Variants in ATAD2B observed in about 807,000 individuals in gnomAD.
The protein encoded by ATAD2B is ATPase family AAA domain containing 2B, also known as ATPase family AAA domain-containing protein 2B.
A neutral mutation model predicts 167.6 loss-of-function variants in ATAD2B; 40 were observed. The observed-to-expected ratio is 0.24, with a 90% CI of 0.19 to 0.31. The LOEUF is 0.31. Ranked by LOEUF, ATAD2B falls within the 10% of genes least tolerant of loss-of-function variation. ATAD2B has a pLI of 1.00. For missense variants in ATAD2B, 1,242 were observed against 1,757.2 expected (o/e 0.71, Z 5.24); for synonymous variants, 579 against 596.5 (o/e 0.97, Z 0.43).
chr2:23,699,944 C>CAGAG, the ATAD2B span, among the ~76,000 whole-genome samples: 1 of 152,248 alleles, frequency 6.6e-6, no homozygotes, highest in East Asian at 1.9e-4. Context: ...TCCTGCTTCA[C>CAGAG]AGAGAAAATG....
At chr2:23,832,397 G>A in intron 14 of ATAD2B, 1 of 300,302 alleles carries the variant, frequency 3.3e-6, no homozygotes, top group African/African-American at 2.2e-5. Flanking sequence ...AAGTTAATGT[G>A]GAAAACGATG....
At chr2:23,709,925 G>T in the ATAD2B span, among the ~76,000 whole-genome samples, 15 of 152,288 alleles carry the variant, frequency 9.8e-5, no homozygotes, top group South Asian at 1.2e-3. Context: ...CGAAGAGTCT[G>T]TGTATTTCAG....
At chr2:23,913,151 T>C (rs1207130400) in intron 1 of ATAD2B, among the ~76,000 whole-genome samples, 5 of 152,294 alleles carry the variant, frequency 3.3e-5, no homozygotes, top group East Asian at 1.9e-4. Flanking sequence ...TATACATTTT[T>C]CCCCAGCACA....
At chr2:23,787,081 C>G (rs1322532386) in intron 20 of ATAD2B, among the ~76,000 whole-genome samples, 2 of 149,350 alleles carry the variant, frequency 1.3e-5, no homozygotes. Context: ...AAGAATTCCA[C>G]AGTCATGAAG....
chr2:23,850,564 T>C (rs1692409557), intron 13 of ATAD2B, among the ~76,000 whole-genome samples: 1 of 152,174 alleles, frequency 6.6e-6, no homozygotes, highest in African/African-American at 2.4e-5. Flanking sequence ...AAAAACTACA[T>C]ACTGTTTGAG....
At chr2:23,880,027 C>T (rs992258881) in intron 7 of ATAD2B, among the ~76,000 whole-genome samples, 1 of 150,088 alleles carries the variant, frequency 6.7e-6, no homozygotes, top group African/African-American at 2.5e-5. Flanking sequence ...CACTGTACTC[C>T]AGTCTGGGTG....
the ATAD2B span, among the ~76,000 whole-genome samples, chr2:23,737,188 T>C: frequency 6.6e-6 from 1 of 152,194 alleles, no homozygotes; most frequent in Non-Finnish European, 1.5e-5. Context: ...TTTGACACCT[T>C]TGAAGAGAGT....
At chr2:23,691,729 A>G in the ATAD2B span, 2 of 1,551,804 alleles carry the variant, frequency 1.3e-6, no homozygotes, top group Non-Finnish European at 1.7e-6. Context: ...CGTCCTGTCG[A>G]ACCTGCAGGC....
chr2:23,697,596 C>T, the ATAD2B span: 3 of 152,358 alleles, frequency 2.0e-5, 1 homozygote, highest in South Asian at 6.2e-4. Flanking sequence ...GGACACTTGA[C>T]AAATGTTACA....
At chr2:23,801,697 T>C (rs184784738) in intron 18 of ATAD2B, among the ~76,000 whole-genome samples, 8 of 152,166 alleles carry the variant, frequency 5.3e-5, no homozygotes, top group Admixed American at 2.0e-4. Flanking sequence ...ATAAGGACCT[T>C]AGATAACTAA....
At chr2:23,692,327 G>A in the ATAD2B span, among the ~76,000 whole-genome samples, 1 of 152,236 alleles carries the variant, frequency 6.6e-6, no homozygotes, top group African/African-American at 2.4e-5. Context: ...TGTCCCTTGA[G>A]TACCCAGATC....
At chr2:23,722,733 TCAAA>T in the ATAD2B span, among the ~76,000 whole-genome samples, 2 of 151,912 alleles carry the variant, frequency 1.3e-5, no homozygotes, top group Non-Finnish European at 2.9e-5. Context: ...TCAAAGAACC[TCAAA>T]CAGATTCAAC....
intron 25 of ATAD2B, chr2:23,755,005 A>C: frequency 2.6e-6 from 1 of 378,662 alleles, no homozygotes; most frequent in Non-Finnish European, 4.8e-6. Context: ...AAGTCATACT[A>C]AAGTATCACC....
intron 1 of ATAD2B, among the ~76,000 whole-genome samples, chr2:23,922,484 GA>G (rs111564340): frequency 1.7e-4 from 25 of 149,412 alleles, no homozygotes; most frequent in Non-Finnish European, 2.4e-4. Flanking sequence ...GATAAGAGAG[GA>G]AAAAAAAATA....
intron 18 of ATAD2B, among the ~76,000 whole-genome samples, chr2:23,808,177 A>C (rs1319681461): frequency 1.7e-5 from 2 of 115,890 alleles, no homozygotes; most frequent in African/African-American, 6.2e-5. Flanking sequence ...AGTGATATAT[A>C]TTTATATATA....
the ATAD2B span, among the ~76,000 whole-genome samples, chr2:23,692,336 T>TCTGCTGCC: frequency 4.6e-5 from 7 of 152,216 alleles, no homozygotes; most frequent in Admixed American, 4.6e-4. Flanking sequence ...AGTACCCAGA[T>TCTGCTGCC]CTGCTGCCCA....
At chr2:23,752,496 C>CAT (rs1385796977) in intron 27 of ATAD2B, among the ~76,000 whole-genome samples, 25 of 149,458 alleles carry the variant, frequency 1.7e-4, no homozygotes, top group Non-Finnish European at 3.0e-4. Flanking sequence ...TATATGTATG[C>CAT]ATATATATAT....
intron 1 of ATAD2B, among the ~76,000 whole-genome samples, chr2:23,898,947 G>A (rs1314939162): frequency 1.3e-5 from 2 of 152,084 alleles, no homozygotes; most frequent in Admixed American, 6.5e-5. Context: ...TCAGGAGTTC[G>A]AGACCAGCCT....
chr2:23,909,168 C>G (rs976951296), intron 1 of ATAD2B, among the ~76,000 whole-genome samples: 2 of 150,252 alleles, frequency 1.3e-5, no homozygotes, highest in Admixed American at 1.3e-4. Flanking sequence ...TCCTGGTCAA[C>G]AGTGTGAGGG....
Sources: allele counts gnomAD v4.1 joint callset (sites outside exome capture counted in the v4.1 genomes callset), GRCh38; gene constraint gnomAD v4.1.1; transcripts MANE v1.5; gene names NCBI Gene and HGNC (gene_info 2026-07-23, HGNC 2026-07-21).